LINGO2: variants seen among roughly 807,000 people sequenced by gnomAD.
The protein encoded by LINGO2 is leucine rich repeat and Ig domain containing 2, also known as leucine-rich repeat and immunoglobulin-like domain-containing nogo receptor-interacting protein 2.
Under a neutral mutation model 30.6 loss-of-function variants are expected in LINGO2, and 14 were observed. That is an observed-to-expected ratio of 0.46 (90% CI 0.30 to 0.72). The LOEUF (loss-of-function observed/expected upper bound fraction) is 0.72. Ranked by LOEUF, LINGO2 falls within the 30% of genes least tolerant of loss-of-function variation. The probability of loss-of-function intolerance (pLI) is 0.07; values close to 1 mark genes in which losing one functional copy is unlikely to be tolerated. For synonymous variants in LINGO2, 317 were observed against 288.5 expected (o/e 1.10, Z -1.00); for missense variants, 729 against 751.7 (o/e 0.97, Z 0.35).
intron 3 of LINGO2, among the ~76,000 whole-genome samples, chr9:28,332,067 C>T (rs993029001): frequency 2.0e-5 from 3 of 152,040 alleles, no homozygotes; most frequent in Admixed American, 1.3e-4. Flanking sequence ...TAACCTGATA[C>T]CTAATTAATT....
chr9:28,121,587 TAAATG>T (rs1293247192), intron 4 of LINGO2, among the ~76,000 whole-genome samples: 1 of 152,158 alleles, frequency 6.6e-6, no homozygotes, highest in African/African-American at 2.4e-5. Context: ...ATAGGCAATC[TAAATG>T]AAATCAGCCG....
At chr9:28,723,083 C>G in the LINGO2 span, among the ~76,000 whole-genome samples, 41 of 152,090 alleles carry the variant, frequency 2.7e-4, no homozygotes, top group Non-Finnish European at 4.9e-4. Flanking sequence ...TTTATGTACA[C>G]ACAGGTTTAT....
intron 3 of LINGO2, among the ~76,000 whole-genome samples, chr9:28,305,051 TAA>T: frequency 6.6e-6 from 1 of 152,124 alleles, no homozygotes; most frequent in Non-Finnish European, 1.5e-5. Flanking sequence ...TACATTAAAT[TAA>T]AAGAGATTTG....
rs145002974 is a variant in LINGO2, at chr9:28,128,595, G to C, written c.-86-116190C>G. Among the ~76,000 whole-genome samples the C allele has an allele frequency of 9.5e-4, 144 of 152,214 alleles. 1 individual carries two copies. In the East Asian group the frequency reaches 0.024, roughly 25 times the overall value. ...GTTGGATAAGGGCTGCAGTTAAATT[G>C]AATTTAACTGCAGTTCATTCTCCCT... is the stretch of plus-strand genomic sequence containing the variant. On this transcript the variant is annotated intron_variant, in intron 4 of 5. Transcript: ENST00000379992.
chr9:28,726,930 G>A, the LINGO2 span, among the ~76,000 whole-genome samples: 1 of 152,018 alleles, frequency 6.6e-6, no homozygotes, highest in Admixed American at 6.6e-5. Flanking sequence ...CCTATTTTCG[G>A]TTTTCTGGGT....
At chr9:29,079,612 G>C in the LINGO2 span, among the ~76,000 whole-genome samples, 4 of 149,568 alleles carry the variant, frequency 2.7e-5, no homozygotes, top group East Asian at 7.9e-4. Flanking sequence ...TCAAAATTAT[G>C]GCCATATATA....
intron 4 of LINGO2, among the ~76,000 whole-genome samples, chr9:28,097,561 C>T (rs1433354519): frequency 7.0e-6 from 1 of 142,846 alleles, no homozygotes; most frequent in Non-Finnish European, 1.5e-5. Flanking sequence ...TGGAAACCAT[C>T]ATTCTCAGTA....
At chr9:28,373,297 A>G (rs1230078866) in intron 2 of LINGO2, among the ~76,000 whole-genome samples, 1 of 152,144 alleles carries the variant, frequency 6.6e-6, no homozygotes, top group African/African-American at 2.4e-5. Context: ...CTCAGGTTCT[A>G]TATTTCTACT....
chr9:28,431,070 G>GAGAA (rs1370067034), intron 2 of LINGO2, among the ~76,000 whole-genome samples: 2 of 150,342 alleles, frequency 1.3e-5, no homozygotes, highest in African/African-American at 4.9e-5. Context: ...GAGAGAGAGA[G>GAGAA]AAACTCAAGG....
intron 4 of LINGO2, among the ~76,000 whole-genome samples, chr9:28,218,970 C>G (rs1203057386): frequency 6.6e-6 from 1 of 152,140 alleles, no homozygotes; most frequent in African/African-American, 2.4e-5. Context: ...GCTTGGATAA[C>G]CTGAAACTTG....
chr9:28,508,284 C>A (rs1297477167), intron 1 of LINGO2, among the ~76,000 whole-genome samples: 2 of 152,020 alleles, frequency 1.3e-5, no homozygotes, highest in Admixed American at 6.6e-5. Flanking sequence ...TTGTTGACAT[C>A]AGAAAATAGT....
At chr9:28,398,728 A>C (rs4878360) in intron 2 of LINGO2, among the ~76,000 whole-genome samples, 56,750 of 151,740 alleles carry the variant, frequency 0.37, 11,138 homozygotes, top group Non-Finnish European at 0.41. Context: ...AGGCCAAAAA[A>C]GAGGCTCTAT....
At chr9:28,961,401 G>A in the LINGO2 span, among the ~76,000 whole-genome samples, 7 of 152,110 alleles carry the variant, frequency 4.6e-5, no homozygotes, top group African/African-American at 7.2e-5. Context: ...AACTTGTAAC[G>A]TAATCCATAA....
chr9:29,052,907 G>A, the LINGO2 span, among the ~76,000 whole-genome samples: 1 of 152,032 alleles, frequency 6.6e-6, no homozygotes, highest in African/African-American at 2.4e-5. Flanking sequence ...CTTAAAGAAA[G>A]ACTAAACTTT....
intron 4 of LINGO2, among the ~76,000 whole-genome samples, chr9:28,146,948 T>C (rs1827831651): frequency 6.6e-6 from 1 of 152,236 alleles, no homozygotes; most frequent in Non-Finnish European, 1.5e-5. Context: ...AAAGCTGATC[T>C]AGAACATAAT....
At chr9:28,555,301 A>G (rs538666569) in intron 1 of LINGO2, among the ~76,000 whole-genome samples, 2 of 142,104 alleles carry the variant, frequency 1.4e-5, no homozygotes, top group African/African-American at 5.6e-5. Flanking sequence ...ACAATAAAAA[A>G]TGATAAAGGG....
chr9:28,074,937 A>G (rs1233131936), intron 4 of LINGO2, among the ~76,000 whole-genome samples: 1 of 151,138 alleles, frequency 6.6e-6, no homozygotes, highest in Non-Finnish European at 1.5e-5. Flanking sequence ...TTACTTTTGT[A>G]TTATACAATA....
At chr9:28,902,667 T>C in the LINGO2 span, among the ~76,000 whole-genome samples, 1 of 152,080 alleles carries the variant, frequency 6.6e-6, no homozygotes, top group East Asian at 1.9e-4. Context: ...TTTTAAAAGA[T>C]TGAAATTATT....
intron 2 of LINGO2, among the ~76,000 whole-genome samples, chr9:28,468,082 A>G (rs1024406746): frequency 6.6e-6 from 1 of 152,212 alleles, no homozygotes; most frequent in African/African-American, 2.4e-5. Context: ...ATAAATAGAT[A>G]AACTTATAGA....
Sources: gnomAD v4.1 joint callset for allele counts (sites outside exome capture counted in the v4.1 genomes callset) on GRCh38, gnomAD v4.1.1 for gene constraint, MANE v1.5 for transcripts, NCBI Gene and HGNC (gene_info 2026-07-23, HGNC 2026-07-21) for gene names.